The following EYS variants were observed in gnomAD, a reference collection of about 807,000 sequenced individuals.
EYS encodes the protein EGF-like photoreceptor maintenance factor.
EYS carries 250 observed loss-of-function variants against 282.1 expected under a neutral mutation model. The ratio of observed to expected loss-of-function variants is 0.89; its 90% CI spans 0.80 to 0.98. The LOEUF (loss-of-function observed/expected upper bound fraction) is 0.98, where lower values mean the gene tolerates loss of function less well. Ranked by LOEUF, EYS falls within the 50% of genes least tolerant of loss-of-function variation. The pLI, the probability that EYS is intolerant of heterozygous loss-of-function variation, is 0.00. For missense variants in EYS, 4,016 were observed against 3,709.0 expected (o/e 1.08, Z -2.15); for synonymous variants, 1,355 against 1,282.9 (o/e 1.06, Z -1.20).
At chr6:64,387,519 T>C (rs1021031073) in intron 29 of EYS, among the ~76,000 whole-genome samples, 1 of 152,174 alleles carries the variant, frequency 6.6e-6, no homozygotes, top group African/African-American at 2.4e-5. Context: ...AAGGTTTTAT[T>C]TATGTTTCAT....
At chr6:64,623,682 C>T (rs945146695) in intron 23 of EYS, among the ~76,000 whole-genome samples, 2 of 152,080 alleles carry the variant, frequency 1.3e-5, no homozygotes, top group Non-Finnish European at 2.9e-5. Context: ...CTATCAAAAT[C>T]AGTTCCTTTT....
In EYS at chr6:65,030,454, C is replaced by T. The variant is rs73765723; in HGVS notation, c.2137+27160G>A. Among the ~76,000 whole-genome samples, 964 of 152,244 alleles carry T rather than the reference C, an allele frequency of 6.3e-3. 18 individuals carry two copies. The highest frequency in any genetic ancestry group is 0.021 in the African/African-American group (863 of 41,562). On this transcript the variant is annotated intron_variant, in intron 13 of 42. Transcript: ENST00000503581. Reference sequence around the variant, plus strand: ...TGGCACACATTCACCTGTAGCACCCCCACTGATTTGCTGGCACCTGTGTAG... The same window carrying T: ...TGGCACACATTCACCTGTAGCACCCTCACTGATTTGCTGGCACCTGTGTAG...
intron 19 of EYS, among the ~76,000 whole-genome samples, chr6:64,864,926 T>C (rs1295319631): frequency 6.6e-6 from 1 of 151,790 alleles, no homozygotes; most frequent in Non-Finnish European, 1.5e-5. Flanking sequence ...ATCCCAGCTA[T>C]TCAGGAGGCT....
intron 29 of EYS, among the ~76,000 whole-genome samples, 166 bp from the exon 30 acceptor site, chr6:64,307,248 T>C (rs1769488157): frequency 6.6e-6 from 1 of 152,100 alleles, no homozygotes; most frequent in East Asian, 1.9e-4. Flanking sequence ...TAAATATCAA[T>C]CCAAAAAGTA....
In EYS at chr6:65,213,174, A is replaced by G. The variant is rs147408108; in HGVS notation, c.2023+82689T>C. 1.8e-3 allele frequency among the ~76,000 whole-genome samples: 273 copies of G among 152,308 alleles called. 1 individual carries two copies. Among genetic ancestry groups the G allele is most frequent in the Middle Eastern group, 3.4e-3 (1 of 294 alleles). On this transcript the variant is annotated intron_variant, in intron 12 of 42. Coordinates refer to ENST00000503581, the MANE Select transcript of EYS (RefSeq NM_001142800.2). ...CAAAATATGTGACATTACTTAAAATAGAATTTTGAGATGGAGAGGGTGCTG... is the reference window on the plus strand; with the variant it reads ...CAAAATATGTGACATTACTTAAAATGGAATTTTGAGATGGAGAGGGTGCTG...
intron 12 of EYS, among the ~76,000 whole-genome samples, chr6:65,256,496 A>C (rs1037639799): frequency 2.5e-5 from 3 of 119,642 alleles, no homozygotes; most frequent in Admixed American, 9.0e-5. Context: ...TTCAATTCCC[A>C]CCTATGAGTG....
At chr6:64,345,902 G>C (rs1256794098) in intron 29 of EYS, among the ~76,000 whole-genome samples, 1 of 152,118 alleles carries the variant, frequency 6.6e-6, no homozygotes, top group African/African-American at 2.4e-5. Flanking sequence ...GATATGAACA[G>C]ACACTTCTCA....
chr6:64,634,543 C>A, intron 22 of EYS, among the ~76,000 whole-genome samples: 1 of 34,356 alleles, frequency 2.9e-5, no homozygotes, highest in Non-Finnish European at 6.0e-5. Flanking sequence ...GATACCCTAG[C>A]TTCCAAAAAA....
chr6:64,280,780 G>A (rs1459306174), intron 30 of EYS, among the ~76,000 whole-genome samples: 4 of 152,146 alleles, frequency 2.6e-5, no homozygotes, highest in Admixed American at 2.6e-4. Context: ...GGGCACTGCT[G>A]TACTGTGCAT....
intron 35 of EYS, among the ~76,000 whole-genome samples, chr6:63,929,331 G>A (rs888961049): frequency 2.6e-5 from 4 of 152,082 alleles, no homozygotes; most frequent in East Asian, 3.9e-4. Flanking sequence ...TTTCTTTGGC[G>A]CTCTTGATTC....
At chr6:64,787,858 C>T (rs918209706) in intron 22 of EYS, among the ~76,000 whole-genome samples, 1 of 151,576 alleles carries the variant, frequency 6.6e-6, no homozygotes, top group African/African-American at 2.4e-5. Flanking sequence ...CAAGCTTTCT[C>T]TTTAATTTTC....
At chr6:64,409,158 G>C (rs1338820) in intron 28 of EYS, among the ~76,000 whole-genome samples, 42,463 of 152,028 alleles carry the variant, frequency 0.28, 6,066 homozygotes, top group East Asian at 0.46. Context: ...AGTATTCCAT[G>C]GTGTATATGC....
intron 5 of EYS, among the ~76,000 whole-genome samples, chr6:65,419,975 C>G (rs1240993722): frequency 1.3e-5 from 2 of 151,994 alleles, no homozygotes; most frequent in Non-Finnish European, 2.9e-5. Context: ...TTTGCAAATA[C>G]TCTATTGCCA....
intron 5 of EYS, among the ~76,000 whole-genome samples, chr6:65,425,283 A>G (rs1056230413): frequency 3.3e-5 from 5 of 152,258 alleles, no homozygotes; most frequent in East Asian, 1.9e-4. Flanking sequence ...GAGAATTAAT[A>G]TAGTCAATTT....
intron 28 of EYS, among the ~76,000 whole-genome samples, chr6:64,402,107 C>A (rs1274141433): frequency 1.3e-5 from 2 of 152,082 alleles, no homozygotes; most frequent in Non-Finnish European, 2.9e-5. Context: ...TTTATTTTGC[C>A]AACTGATATA....
At chr6:64,492,037 C>A (rs1776755376) in intron 26 of EYS, among the ~76,000 whole-genome samples, 1 of 151,018 alleles carries the variant, frequency 6.6e-6, no homozygotes, top group Admixed American at 6.6e-5. Flanking sequence ...AAACAAGCAA[C>A]ACCCAGAAAA....
At chr6:65,343,588 G>C (rs1340705026) in intron 10 of EYS, among the ~76,000 whole-genome samples, 2 of 151,086 alleles carry the variant, frequency 1.3e-5, no homozygotes, top group Non-Finnish European at 3.0e-5. Flanking sequence ...GAACTGCCTA[G>C]AGATTAGAAA....
intron 12 of EYS, among the ~76,000 whole-genome samples, chr6:65,232,173 G>A (rs1562038637): frequency 4.6e-5 from 7 of 151,998 alleles, no homozygotes; most frequent in Admixed American, 3.3e-4. Flanking sequence ...AGTTGCATAT[G>A]TCTATGTTTA....
intron 22 of EYS, among the ~76,000 whole-genome samples, chr6:64,696,791 T>A (rs1054247313): frequency 5.3e-5 from 8 of 152,116 alleles, no homozygotes; most frequent in Non-Finnish European, 1.2e-4. Flanking sequence ...GACAAGCAAA[T>A]GCTAAGGAAA....
Sources: allele counts gnomAD v4.1 joint callset (sites outside exome capture counted in the v4.1 genomes callset), GRCh38; gene constraint gnomAD v4.1.1; transcripts MANE v1.5; gene names NCBI Gene and HGNC (gene_info 2026-07-23, HGNC 2026-07-21).